Variants in DACH1 observed in about 807,000 individuals in gnomAD.
The protein encoded by DACH1 is dachshund homolog 1.
Under a neutral mutation model 54.2 loss-of-function variants are expected in DACH1, and 12 were observed. The observed-to-expected ratio is 0.22, with a 90% CI of 0.14 to 0.36. The LOEUF (loss-of-function observed/expected upper bound fraction) is 0.36, where lower values mean the gene tolerates loss of function less well. DACH1 is among the 10% of genes least tolerant of loss of function. The probability of loss-of-function intolerance (pLI) is 1.00; values close to 1 mark genes in which losing one functional copy is unlikely to be tolerated. For synonymous variants in DACH1, 386 were observed against 366.2 expected (o/e 1.05, Z -0.62); for missense variants, 805 against 929.8 (o/e 0.87, Z 1.75).
chr13:71,458,632 G>C (rs1875800022), intron 10 of DACH1, among the ~76,000 whole-genome samples: 1 of 151,856 alleles, frequency 6.6e-6, no homozygotes, highest in African/African-American at 2.4e-5. Flanking sequence ...AGTTCTACTA[G>C]AAAAATTGAA....
At chr13:71,625,714 T>C (rs775866158) in intron 3 of DACH1, among the ~76,000 whole-genome samples, 5 of 152,028 alleles carry the variant, frequency 3.3e-5, no homozygotes, top group African/African-American at 1.2e-4. Context: ...GTTTTGAGCA[T>C]GTGAAATGTG....
chr13:71,709,990 A>G (rs1287083173), intron 1 of DACH1, among the ~76,000 whole-genome samples: 2 of 152,032 alleles, frequency 1.3e-5, no homozygotes, highest in East Asian at 3.9e-4. Flanking sequence ...TGAGACTACA[A>G]GTTTGCACCA....
intron 1 of DACH1, among the ~76,000 whole-genome samples, chr13:71,709,325 C>G (rs1358895643): frequency 6.6e-6 from 1 of 151,938 alleles, no homozygotes; most frequent in Non-Finnish European, 1.5e-5. Context: ...GTTTCAATTA[C>G]CCCTGCCAAC....
At chr13:71,440,745 T>A in intron 10 of DACH1, 53 bp from the exon 11 acceptor site, 1 of 1,379,528 alleles carries the variant, frequency 7.2e-7, no homozygotes, top group Non-Finnish European at 1.0e-6. Flanking sequence ...GGGGTACAAA[T>A]GTGCATGTAA....
chr13:71,745,286 T>A (rs1884557230), intron 1 of DACH1, among the ~76,000 whole-genome samples: 1 of 152,178 alleles, frequency 6.6e-6, no homozygotes, highest in Admixed American at 6.6e-5. Flanking sequence ...CATGAGAACA[T>A]ATGTAATAGG....
At chr13:71,809,774 A>C (rs1419183733) in intron 1 of DACH1, among the ~76,000 whole-genome samples, 1 of 152,154 alleles carries the variant, frequency 6.6e-6, no homozygotes, top group African/African-American at 2.4e-5. Flanking sequence ...TAGAGGTAGA[A>C]AGGATGCAAT....
intron 6 of DACH1, among the ~76,000 whole-genome samples, chr13:71,522,149 T>C (rs982426108): frequency 6.6e-6 from 1 of 152,152 alleles, no homozygotes; most frequent in Non-Finnish European, 1.5e-5. Flanking sequence ...GTGGATGTAG[T>C]ATTCATAAGC....
At chr13:71,719,929 T>C (rs144900801) in intron 1 of DACH1, among the ~76,000 whole-genome samples, 1 of 152,324 alleles carries the variant, frequency 6.6e-6, no homozygotes, top group East Asian at 1.9e-4. Flanking sequence ...TAACTGTTTC[T>C]ACTTTTAGTT....
At chr13:71,551,030 T>A (rs975245314) in intron 6 of DACH1, among the ~76,000 whole-genome samples, 2 of 152,210 alleles carry the variant, frequency 1.3e-5, no homozygotes, top group Admixed American at 6.6e-5. Context: ...AAAAGGCTTT[T>A]AGTCTATGCA....
At chr13:71,506,091 T>A (rs949954721) in intron 6 of DACH1, among the ~76,000 whole-genome samples, 2 of 152,040 alleles carry the variant, frequency 1.3e-5, no homozygotes, top group Non-Finnish European at 2.9e-5. Context: ...AATAAAAATA[T>A]TACATTTACA....
chr13:71,862,984 C>T (rs1039233848), intron 1 of DACH1, among the ~76,000 whole-genome samples: 2 of 151,948 alleles, frequency 1.3e-5, no homozygotes, highest in Non-Finnish European at 2.9e-5. Flanking sequence ...TTCTCTTATA[C>T]TCTACATAAA....
At chr13:71,707,863 A>C (rs955214859) in intron 1 of DACH1, among the ~76,000 whole-genome samples, 6 of 152,092 alleles carry the variant, frequency 3.9e-5, no homozygotes, top group African/African-American at 1.4e-4. Flanking sequence ...GGATGAAGAG[A>C]TGGGTAAGTG....
intron 4 of DACH1, among the ~76,000 whole-genome samples, chr13:71,570,761 G>C (rs1885145509): frequency 6.6e-6 from 1 of 151,942 alleles, no homozygotes; most frequent in African/African-American, 2.4e-5. Flanking sequence ...GAAAACACAG[G>C]AATGTTTCTG....
chr13:71,544,692 A>T (rs942302850), intron 6 of DACH1, among the ~76,000 whole-genome samples: 1 of 152,074 alleles, frequency 6.6e-6, no homozygotes, highest in Non-Finnish European at 1.5e-5. Flanking sequence ...TATGCAACAC[A>T]CTGCAGTATG....
rs143463650 is a variant in DACH1, at chr13:71,826,220, T to C, written c.848+39702A>G. 6.9e-4 allele frequency among the ~76,000 whole-genome samples: 105 copies of C among 152,266 alleles called. 1 individual carries two copies. The East Asian group carries it at 0.018, about 26-fold the overall frequency. On this transcript the variant is annotated intron_variant, in intron 1 of 10. Coordinates refer to ENST00000613252, the MANE Select transcript of DACH1 (RefSeq NM_080759.6). ...TTATCATTTCTTTTCCTAATCCTGA[T>C]TCTGTATGACATATTGCTATTTTGA...
chr13:71,771,354 T>TC (rs1471385975), intron 1 of DACH1, among the ~76,000 whole-genome samples: 32 of 150,314 alleles, frequency 2.1e-4, no homozygotes, highest in South Asian at 1.1e-3. Flanking sequence ...AATAAATAAA[T>TC]AAATCTTTGC....
At chr13:71,658,014 C>A (rs1879247720) in intron 2 of DACH1, among the ~76,000 whole-genome samples, 1 of 152,096 alleles carries the variant, frequency 6.6e-6, no homozygotes, top group Admixed American at 6.6e-5. Context: ...CTATTAAATA[C>A]CTTAACACTA....
chr13:71,703,338 G>C (rs754308577), intron 1 of DACH1, among the ~76,000 whole-genome samples: 1 of 152,118 alleles, frequency 6.6e-6, no homozygotes, highest in African/African-American at 2.4e-5. Context: ...GACATATACC[G>C]TCACTGGGAA....
chr13:71,862,245 CT>C (rs1168236277), intron 1 of DACH1, among the ~76,000 whole-genome samples: 1 of 151,930 alleles, frequency 6.6e-6, no homozygotes, highest in Non-Finnish European at 1.5e-5. Context: ...AACAGGGTCA[CT>C]TTTTTAAAAC....
Sources: allele counts gnomAD v4.1 joint callset (sites outside exome capture counted in the v4.1 genomes callset), GRCh38; gene constraint gnomAD v4.1.1; transcripts MANE v1.5; gene names NCBI Gene and HGNC (gene_info 2026-07-23, HGNC 2026-07-21).